Variants in RPIA observed in about 807,000 individuals in gnomAD.
The protein encoded by RPIA is ribose 5-phosphate isomerase A, also known as ribose-5-phosphate isomerase.
In RPIA, 29 loss-of-function variants were observed where a neutral mutation model predicts 37.8. The ratio of observed to expected loss-of-function variants is 0.77; its 90% confidence interval spans 0.57 to 1.05. RPIA has a LOEUF of 1.05. RPIA is among the 50% of genes least tolerant of loss of function. RPIA has a pLI of 0.00. For missense variants in RPIA, 385 were observed against 413.6 expected (o/e 0.93, Z 0.60); for synonymous variants, 167 against 157.0 (o/e 1.06, Z -0.48).
At chr2:88,697,891 G>C (rs1050473285) in intron 1 of RPIA, among the ~76,000 whole-genome samples, 1 of 152,068 alleles carries the variant, frequency 6.6e-6, no homozygotes, top group Non-Finnish European at 1.5e-5. Context: ...AGCTCTAGAT[G>C]GTGGGCCTGA....
chr2:88,701,960 T>C (rs1253702125), intron 3 of RPIA, among the ~76,000 whole-genome samples: 1 of 152,250 alleles, frequency 6.6e-6, no homozygotes. Flanking sequence ...AGAGGTCCAC[T>C]GAAGTAAAGA....
At chr2:88,744,760 C>G (rs1673421957) in intron 8 of RPIA, among the ~76,000 whole-genome samples, 1 of 152,068 alleles carries the variant, frequency 6.6e-6, no homozygotes, top group Non-Finnish European at 1.5e-5. Flanking sequence ...TCCTCTTTGT[C>G]TTTTCTAACT....
chr2:88,724,373 C>T (rs1454350553), intron 3 of RPIA, among the ~76,000 whole-genome samples: 2 of 151,340 alleles, frequency 1.3e-5, no homozygotes, highest in Non-Finnish European at 3.0e-5. Context: ...GTGGTGTGAT[C>T]TCGGCTCACT....
At chr2:88,727,116 T>C (rs563429062) in intron 3 of RPIA, among the ~76,000 whole-genome samples, 21 of 152,116 alleles carry the variant, frequency 1.4e-4, no homozygotes, top group African/African-American at 3.9e-4. Context: ...TGTGTGCGCG[T>C]GCATGTGTGC....
intron 8 of RPIA, among the ~76,000 whole-genome samples, chr2:88,740,829 G>GT (rs1176325689): frequency 1.3e-5 from 2 of 152,120 alleles, no homozygotes; most frequent in Non-Finnish European, 2.9e-5. Flanking sequence ...TGATTTAACT[G>GT]TTTTTTGGAT....
rs1553420187 is a variant in RPIA at position 88,713,099 on chromosome 2, AAT to A, written c.402+13056_402+13057del. Among the ~76,000 whole-genome samples, 43 of 45,584 alleles carry A rather than the reference AAT, an allele frequency of 9.4e-4. 3 individuals carry two copies. The highest frequency in any genetic ancestry group is 3.3e-3 in the African/African-American group (27 of 8,090). The allele number at this position is 45,584 out of a possible 152,430, so 29.9% of individuals were successfully genotyped here. Reference sequence around the variant, plus strand: ...TTGGCCATGACGTTTTGGATGTCTGAATATATATATATATATATATATTTTTT... The same window carrying A: ...TTGGCCATGACGTTTTGGATGTCTGAATATATATATATATATATATTTTTT... On this transcript the variant is annotated intron_variant, in intron 3 of 8. Coordinates refer to ENST00000283646, the MANE Select transcript of RPIA (RefSeq NM_144563.3).
At chr2:88,701,545 T>C (rs1040219050) in intron 3 of RPIA, among the ~76,000 whole-genome samples, 6 of 152,278 alleles carry the variant, frequency 3.9e-5, no homozygotes, top group African/African-American at 9.6e-5. Context: ...CACACTCTTA[T>C]TACCTCCCAC....
intron 8 of RPIA, among the ~76,000 whole-genome samples, chr2:88,746,148 T>C (rs1673435272): frequency 8.5e-5 from 13 of 152,236 alleles, no homozygotes; most frequent in Admixed American, 8.5e-4. Flanking sequence ...ATCTTTTCTT[T>C]ATGATATCTG....
At chr2:88,705,462 G>A (rs1462032609) in intron 3 of RPIA, among the ~76,000 whole-genome samples, 1 of 152,176 alleles carries the variant, frequency 6.6e-6, no homozygotes, top group Non-Finnish European at 1.5e-5. Flanking sequence ...ATGGGGAAAG[G>A]AATCCCTATT....
At chr2:88,746,476 C>T (rs770489777) in intron 8 of RPIA, among the ~76,000 whole-genome samples, 1 of 152,252 alleles carries the variant, frequency 6.6e-6, no homozygotes, top group Non-Finnish European at 1.5e-5. Context: ...GTGTTCTTCG[C>T]CTTCCCCTAA....
intron 1 of RPIA, 76 bp downstream of exon 1, chr2:88,692,059 G>A (rs1235964318): frequency 7.3e-6 from 11 of 1,498,424 alleles, no homozygotes; most frequent in Non-Finnish European, 8.9e-6. Flanking sequence ...TGTGGGTGCT[G>A]CCGGGGCGCG....
In RPIA at chr2:88,750,666, A is replaced by G; in HGVS notation, c.*588A>G. 2.5e-6 allele frequency: 1 copy of G among 398,640 alleles called. No homozygotes were observed. The highest frequency in any genetic ancestry group is 3.6e-5 in the East Asian group (1 of 28,076). The allele number at this position is 398,640 out of a possible 1,614,324, so 24.7% of individuals were successfully genotyped here. On this transcript the variant is annotated 3_prime_UTR_variant, in exon 9 of 9. Coordinates refer to ENST00000283646, the MANE Select transcript of RPIA (RefSeq NM_144563.3). ...GGAATGACTTGGAATGTAAGCTGTCAGGGAGAAAATGTTGTTACACTTTTG... is the reference window on the plus strand; with the variant it reads ...GGAATGACTTGGAATGTAAGCTGTCGGGGAGAAAATGTTGTTACACTTTTG...
chr2:88,708,124 A>G (rs28652601), intron 3 of RPIA, among the ~76,000 whole-genome samples: 9,998 of 152,290 alleles, frequency 0.066, 593 homozygotes, highest in African/African-American at 0.16. Context: ...AAAACAAAAG[A>G]TATATGCAGA....
At chr2:88,746,474 C>T (rs565112331) in intron 8 of RPIA, among the ~76,000 whole-genome samples, 219 of 152,336 alleles carry the variant, frequency 1.4e-3, no homozygotes, top group Admixed American at 2.7e-3. Context: ...GGGTGTTCTT[C>T]GCCTTCCCCT....
intron 3 of RPIA, among the ~76,000 whole-genome samples, chr2:88,725,666 C>G (rs939263653): frequency 9.2e-5 from 14 of 152,204 alleles, no homozygotes; most frequent in Non-Finnish European, 2.1e-4. Context: ...GATTACCTCT[C>G]TAAAGACACT....
Position 88,691,914 on chromosome 2 carries a change from C to T in RPIA, c.216C>T (p.Pro72=), listed in dbSNP as rs756812955. ...CGDSNSICPA[P]STMSKAEEAK... ...ACTCCAACAGCATCTGCCCGGCCCCCTCCACGATGTCCAAGGCCGAGGAGG... is the reference window on the plus strand; with the variant it reads ...ACTCCAACAGCATCTGCCCGGCCCCTTCCACGATGTCCAAGGCCGAGGAGG... The change falls in exon 1 of 9, where the codon CCC becomes CCT. Residue 72 remains proline, a synonymous_variant. Transcript: ENST00000283646. 12 of 1,595,438 alleles carry T rather than the reference C, an allele frequency of 7.5e-6. No homozygotes were observed. The highest frequency in any genetic ancestry group is 2.7e-5 in the African/African-American group (2 of 74,814).
chr2:88,720,332 A>G (rs1319347115), intron 3 of RPIA, among the ~76,000 whole-genome samples: 1 of 152,220 alleles, frequency 6.6e-6, no homozygotes, highest in Non-Finnish European at 1.5e-5. Flanking sequence ...GCCAGTTACC[A>G]AAAGGCAAAA....
In RPIA at chr2:88,729,492, G is replaced by T. The variant is rs569764920; in HGVS notation, c.462+155G>T. On this transcript the variant is annotated intron_variant, in intron 4 of 8. Transcript: ENST00000283646. ...CCTGGGACCTTGAGTATTAATTTTGGCTGAGGTCACAAGTGCCGAGGTGGT... is the reference window on the plus strand; with the variant it reads ...CCTGGGACCTTGAGTATTAATTTTGTCTGAGGTCACAAGTGCCGAGGTGGT... Among the ~76,000 whole-genome samples, 70 of 152,264 alleles carry T rather than the reference G, an allele frequency of 4.6e-4. 1 individual carries two copies. In the South Asian group the frequency reaches 0.011, roughly 23 times the overall value.
At chr2:88,707,031 T>C (rs943154975) in intron 3 of RPIA, among the ~76,000 whole-genome samples, 1 of 152,222 alleles carries the variant, frequency 6.6e-6, no homozygotes, top group African/African-American at 2.4e-5. Context: ...ATGTATACCT[T>C]GTGTTTCTGC....
Sources: gnomAD v4.1 joint callset for allele counts (sites outside exome capture counted in the v4.1 genomes callset) on GRCh38, gnomAD v4.1.1 for gene constraint, MANE v1.5 for transcripts, NCBI Gene and HGNC (gene_info 2026-07-23, HGNC 2026-07-21) for gene names.